The following MRE11 variants were observed in gnomAD, a reference collection of about 807,000 sequenced individuals.
MRE11 encodes the protein double-strand break repair protein MRE11.
Under a neutral mutation model 91.7 loss-of-function variants are expected in MRE11, and 62 were observed. The observed-to-expected ratio is 0.68, with a 90% CI of 0.55 to 0.84. MRE11 has a LOEUF of 0.84. Ranked by LOEUF, MRE11 falls within the 40% of genes least tolerant of loss-of-function variation. The pLI, the probability that MRE11 is intolerant of heterozygous loss-of-function variation, is 0.00. For synonymous variants in MRE11, 273 were observed against 271.4 expected (o/e 1.01, Z -0.06); for missense variants, 796 against 852.9 (o/e 0.93, Z 0.83).
chr11:94,435,428 C>G (rs1233423508), intron 18 of MRE11, among the ~76,000 whole-genome samples: 5 of 151,986 alleles, frequency 3.3e-5, no homozygotes, highest in Non-Finnish European at 2.9e-5. Flanking sequence ...TGGTGGTGCA[C>G]GTCTGTAATC....
chr11:94,424,239 A>G (rs1347712316), intron 19 of MRE11, among the ~76,000 whole-genome samples: 1 of 152,188 alleles, frequency 6.6e-6, no homozygotes, highest in Non-Finnish European at 1.5e-5. Flanking sequence ...CCAAAATTAC[A>G]ACACCAAAAT....
At chr11:94,479,600 A>C in intron 5 of MRE11, 74 bp downstream of exon 5, 1 of 1,262,236 alleles carries the variant, frequency 7.9e-7, no homozygotes, top group Non-Finnish European at 1.2e-6. Flanking sequence ...GAAAAAGGGA[A>C]GGCATGCTTT....
the MRE11 span, among the ~76,000 whole-genome samples, chr11:94,506,596 T>G: frequency 3.5e-3 from 529 of 151,358 alleles, 7 homozygotes; most frequent in African/African-American, 0.012. Context: ...TTTTTTTGTT[T>G]TTTTTTTTTT....
Position 94,418,948 on chromosome 11 carries a change from T to A in MRE11, c.*1177A>T. On this transcript the variant is annotated 3_prime_UTR_variant, in exon 20 of 20. Coordinates refer to ENST00000323929, the MANE Select transcript of MRE11 (RefSeq NM_005591.4). Reference sequence around the variant, plus strand: ...CTATTCTAATGGTCATGAGTATCACTGAGTCAAGTATTTGTTTCTACCTAT... The same window carrying A: ...CTATTCTAATGGTCATGAGTATCACAGAGTCAAGTATTTGTTTCTACCTAT... 1 of 231,174 alleles carries A rather than the reference T, an allele frequency of 4.3e-6. No homozygotes were observed. Among genetic ancestry groups the A allele is most frequent in the Non-Finnish European group, 8.6e-6 (1 of 116,794 alleles). The allele number at this position is 231,174 out of a possible 1,614,324, so 14.3% of individuals were successfully genotyped here.
chr11:94,425,666 T>C (rs1036501955), intron 19 of MRE11, among the ~76,000 whole-genome samples: 1 of 151,502 alleles, frequency 6.6e-6, no homozygotes, highest in African/African-American at 2.4e-5. Flanking sequence ...AACATGCAAA[T>C]GAAAAACAAA....
intron 8 of MRE11, among the ~76,000 whole-genome samples, chr11:94,471,000 A>G (rs1361302625): frequency 6.6e-6 from 1 of 152,076 alleles, no homozygotes; most frequent in African/African-American, 2.4e-5. Flanking sequence ...CATATAGACA[A>G]AATGATTTTG....
chr11:94,440,945 T>C (rs1945764318), intron 16 of MRE11, among the ~76,000 whole-genome samples: 1 of 152,154 alleles, frequency 6.6e-6, no homozygotes, highest in Admixed American at 6.5e-5. Context: ...GAGATAACAG[T>C]CAATTCACAA....
At chr11:94,483,609 C>A (rs1335805113) in intron 4 of MRE11, among the ~76,000 whole-genome samples, 1 of 152,186 alleles carries the variant, frequency 6.6e-6, no homozygotes. Context: ...GCCGCCCCAG[C>A]CAGGTGGAAC....
chr11:94,481,523 A>G (rs1218731614), intron 4 of MRE11, among the ~76,000 whole-genome samples: 3 of 152,132 alleles, frequency 2.0e-5, no homozygotes, highest in Non-Finnish European at 4.4e-5. Context: ...GCAGAAATTT[A>G]TTTTTGCAAA....
At chr11:94,457,887 T>TCTCTTACACA (rs372404360) in intron 13 of MRE11, among the ~76,000 whole-genome samples, 3 of 144,306 alleles carry the variant, frequency 2.1e-5, no homozygotes, top group East Asian at 4.1e-4. Context: ...TCTCTCTCTC[T>TCTCTTACACA]CACACACACA....
intron 13 of MRE11, among the ~76,000 whole-genome samples, chr11:94,457,607 G>C (rs1050531969): frequency 6.6e-6 from 1 of 152,110 alleles, no homozygotes; most frequent in African/African-American, 2.4e-5. Flanking sequence ...AGAGAAATGA[G>C]AGTCAGAGTG....
intron 6 of MRE11, among the ~76,000 whole-genome samples, chr11:94,477,940 G>A (rs963880352): frequency 2.0e-5 from 3 of 152,196 alleles, no homozygotes; most frequent in South Asian, 2.1e-4. Flanking sequence ...GGGCTTCACT[G>A]AAGGTTAGAA....
intron 7 of MRE11, among the ~76,000 whole-genome samples, chr11:94,474,716 A>G (rs1303168469): frequency 6.6e-6 from 1 of 152,180 alleles, no homozygotes; most frequent in South Asian, 2.1e-4. Flanking sequence ...GCTGTTACAC[A>G]TTCCCTTAAT....
At position 94,420,051 on chromosome 11, in the gene MRE11, A is replaced by T. The variant is rs940700153; in HGVS notation, c.*74T>A. ...CTCAGGAAACAATACTTAAAATCTT[A>T]AACTGTAAACTCTTAGCTTGTAACA... On this transcript the variant is annotated 3_prime_UTR_variant, in exon 20 of 20. Transcript: ENST00000323929. The T allele has an allele frequency of 1.6e-6, 2 of 1,246,030 alleles. No individual in the cohort carries two copies. Among genetic ancestry groups the T allele is most frequent in the Admixed American group, 3.6e-5 (2 of 56,166 alleles). 77.2% of individuals were successfully genotyped at this position (1,246,030 alleles called of 1,614,324 possible).
intron 5 of MRE11, among the ~76,000 whole-genome samples, 164 bp from the exon 6 acceptor site, chr11:94,479,040 C>T (rs1285913656): frequency 1.3e-5 from 2 of 152,196 alleles, no homozygotes; most frequent in Admixed American, 6.5e-5. Flanking sequence ...GTATTTGCTA[C>T]ATTTTTGTAC....
rs764734589 is a variant in MRE11 at position 94,459,536 on chromosome 11, C to T, written c.1372G>A (p.Val458Ile). The T allele has an allele frequency of 6.2e-7, 1 of 1,614,052 alleles. No homozygotes were observed. The highest frequency in any genetic ancestry group is 8.5e-7 in the Non-Finnish European group (1 of 1,179,918). Residue 458 changes from valine (V) to isoleucine (I), a missense_variant, in exon 13 of 20, where the codon GTA becomes ATA. Val to Ile is a conservative substitution (Grantham distance 29). Coordinates refer to ENST00000323929, the MANE Select transcript of MRE11 (RefSeq NM_005591.4). ...TCCTCCTTGTCCACAAATTCTTGTA[C>T]TGCTTCACCCATCCCTCTTTCTGTT... ...LLTERGMGEA[V>I]QEFVDKEEKD...
chr11:94,456,367 A>G (rs781037429), intron 13 of MRE11, 29 bp from the exon 14 acceptor site: 90 of 1,549,166 alleles, frequency 5.8e-5, no homozygotes, highest in Non-Finnish European at 7.6e-5. Flanking sequence ...AATCACAAAC[A>G]TGTTGCCTAT....
rs754447504 is a variant in MRE11 at position 94,476,270 on chromosome 11, T to TG, written c.659+18_659+19insC. The stretch of plus-strand genomic sequence containing the variant: ...AAGCCTCAGCACTTGGCTCAAACTT[T>TG]TTCAGAGAAAAGTTTTACCTGTTCT... On this transcript the variant is annotated intron_variant, in intron 7 of 19. Coordinates refer to ENST00000323929, the MANE Select transcript of MRE11 (RefSeq NM_005591.4). 7.0e-6 allele frequency: 11 copies of TG among 1,568,208 alleles called. No individual in the cohort carries two copies. Among genetic ancestry groups the TG allele is most frequent in the Non-Finnish European group, 7.0e-6 (8 of 1,138,652 alleles).
intron 4 of MRE11, among the ~76,000 whole-genome samples, chr11:94,483,615 G>A (rs1947065309): frequency 1.3e-5 from 2 of 152,128 alleles, no homozygotes; most frequent in South Asian, 4.1e-4. Flanking sequence ...CCAGCCAGGT[G>A]GAACTGAAAG....
Sources: allele counts gnomAD v4.1 joint callset (sites outside exome capture counted in the v4.1 genomes callset), GRCh38; gene constraint gnomAD v4.1.1; transcripts MANE v1.5; gene names NCBI Gene and HGNC (gene_info 2026-07-23, HGNC 2026-07-21).